Variants in ATRNL1 observed in about 807,000 individuals in gnomAD.
The protein encoded by ATRNL1 is attractin-like protein 1.
Under a neutral mutation model 182.7 loss-of-function variants are expected in ATRNL1, and 95 were observed. That is an observed-to-expected ratio of 0.52 (90% CI 0.44 to 0.62). ATRNL1 has a LOEUF of 0.62. ATRNL1 is among the 20% of genes least tolerant of loss of function. The pLI is 0.00. For synonymous variants in ATRNL1, 576 were observed against 568.3 expected, an observed-to-expected ratio of 1.01 and a Z score of -0.19; for missense variants, 1,471 against 1,679.5, an observed-to-expected ratio of 0.88 and a Z score of 2.17.
chr10:115,387,702 T>G (rs1554953069), intron 19 of ATRNL1, among the ~76,000 whole-genome samples: 1 of 152,226 alleles, frequency 6.6e-6, no homozygotes, highest in Non-Finnish European at 1.5e-5. Flanking sequence ...TAATCTTTTG[T>G]GTTTGGCTTT....
intron 26 of ATRNL1, among the ~76,000 whole-genome samples, chr10:115,590,986 G>A (rs1168002213): frequency 2.6e-5 from 4 of 152,166 alleles, no homozygotes; most frequent in African/African-American, 4.8e-5. Context: ...ATCTCACTTC[G>A]TTATATCTGA....
chr10:115,829,332 G>A (rs1384949134), intron 27 of ATRNL1, among the ~76,000 whole-genome samples: 1 of 152,058 alleles, frequency 6.6e-6, no homozygotes, highest in Non-Finnish European at 1.5e-5. Context: ...GCCATGACTG[G>A]GTTGGAGTTT....
intron 28 of ATRNL1, among the ~76,000 whole-genome samples, chr10:115,880,773 T>G (rs1951809161): frequency 6.6e-6 from 1 of 152,252 alleles, no homozygotes; most frequent in Admixed American, 6.5e-5. Context: ...CTTTTGTGCA[T>G]GTACGAGTAG....
At chr10:115,609,061 ATAAGT>A (rs1433736203) in intron 26 of ATRNL1, among the ~76,000 whole-genome samples, 1 of 152,086 alleles carries the variant, frequency 6.6e-6, no homozygotes, top group Non-Finnish European at 1.5e-5. Flanking sequence ...ATAAAATATT[ATAAGT>A]TAAGTTGAAA....
chr10:115,311,331 A>G (rs1854014883), intron 17 of ATRNL1, among the ~76,000 whole-genome samples: 1 of 151,962 alleles, frequency 6.6e-6, no homozygotes. Flanking sequence ...CTGGGATTAC[A>G]GGCACATGCC....
At chr10:115,777,704 G>A (rs1385717853) in intron 27 of ATRNL1, among the ~76,000 whole-genome samples, 1 of 152,144 alleles carries the variant, frequency 6.6e-6, no homozygotes, top group African/African-American at 2.4e-5. Context: ...TAGATGCTGT[G>A]GGACAGAAAA....
At chr10:115,271,044 T>A (rs1300528100) in intron 13 of ATRNL1, among the ~76,000 whole-genome samples, 2 of 152,112 alleles carry the variant, frequency 1.3e-5, no homozygotes, top group African/African-American at 4.8e-5. Context: ...TGATATTTAC[T>A]CCTCTCCTTG....
chr10:115,093,650 G>C lies in ATRNL1; in HGVS notation c.-101G>C, dbSNP rs1250656237. 2.3e-6 allele frequency: 3 copies of C among 1,303,290 alleles called. No homozygotes were observed. The highest frequency in any genetic ancestry group is 3.2e-6 in the Non-Finnish European group (3 of 949,258). The allele number at this position is 1,303,290 out of a possible 1,614,324, so 80.7% of individuals were successfully genotyped here. On this transcript the variant is annotated 5_prime_UTR_variant, in exon 1 of 29. Coordinates refer to ENST00000355044, the MANE Select transcript of ATRNL1 (RefSeq NM_207303.4). The surrounding 1 kb of genome is among the most constrained non-coding windows in gnomAD (Gnocchi z 6.1). ...GGACGGGCGCCGGTGAGGAGGAGGA[G>C]AAGCGGCGGCGGAGAGGTTTTCTGC...
intron 25 of ATRNL1, among the ~76,000 whole-genome samples, chr10:115,540,465 A>G (rs1456658554): frequency 6.6e-6 from 1 of 152,126 alleles, no homozygotes; most frequent in Non-Finnish European, 1.5e-5. Context: ...GAGATGGATT[A>G]AAGGGTACAG....
At chr10:115,536,556 G>A (rs1347535423) in intron 25 of ATRNL1, among the ~76,000 whole-genome samples, 1 of 152,214 alleles carries the variant, frequency 6.6e-6, no homozygotes, top group African/African-American at 2.4e-5. Flanking sequence ...CTGACGCCTT[G>A]TGCTTCCCAA....
At chr10:115,387,471 A>G (rs541828312) in intron 19 of ATRNL1, among the ~76,000 whole-genome samples, 2 of 152,348 alleles carry the variant, frequency 1.3e-5, no homozygotes, top group South Asian at 2.1e-4. Context: ...GGTACAATTC[A>G]GGTAACACAA....
At chr10:115,917,490 A>AC (rs1952904975) in intron 28 of ATRNL1, among the ~76,000 whole-genome samples, 1 of 148,382 alleles carries the variant, frequency 6.7e-6, no homozygotes, top group East Asian at 2.0e-4. Context: ...AAAAAAGAAA[A>AC]AAAAAACGGG....
chr10:115,148,273 GA>G (rs1174767987), intron 5 of ATRNL1, among the ~76,000 whole-genome samples: 1 of 152,080 alleles, frequency 6.6e-6, no homozygotes, highest in African/African-American at 2.4e-5. Context: ...AAATGCTGCA[GA>G]TTTTTGTATA....
intron 19 of ATRNL1, among the ~76,000 whole-genome samples, chr10:115,362,935 G>A (rs535006840): frequency 2.6e-5 from 4 of 151,852 alleles, no homozygotes; most frequent in African/African-American, 7.3e-5. Context: ...GGACATTTGG[G>A]TTGGTTCCAA....
intron 20 of ATRNL1, among the ~76,000 whole-genome samples, chr10:115,416,078 A>T (rs1285687194): frequency 1.3e-5 from 2 of 152,070 alleles, no homozygotes; most frequent in Admixed American, 1.3e-4. Flanking sequence ...TCTAGCTCCT[A>T]TAAAATCTCA....
In ATRNL1 at chr10:115,944,728, T is replaced by C. The variant is rs782414734; in HGVS notation, c.4089T>C (p.Ser1363=). The change falls in exon 29 of 29, where the codon TCT becomes TCC. Residue 1363 remains serine (S), a synonymous_variant. Transcript: ENST00000355044. ...QKASDSKDKT[S]GVRNRKHLST... ...CTTCAGATAGTAAAGATAAGACTTC[T>C]GGAGTCCGGAATCGAAAACACCTTT... 1.4e-5 allele frequency: 22 copies of C among 1,613,710 alleles called. No individual in the cohort carries two copies. The highest frequency in any genetic ancestry group is 1.8e-5 in the Non-Finnish European group (21 of 1,179,802).
intron 27 of ATRNL1, among the ~76,000 whole-genome samples, chr10:115,830,519 TGG>T (rs1950535742): frequency 6.6e-6 from 1 of 152,128 alleles, no homozygotes; most frequent in African/African-American, 2.4e-5. Flanking sequence ...ACCATCTGCT[TGG>T]CTGGGATGAG....
chr10:115,472,408 G>T (rs1244060856), intron 24 of ATRNL1, among the ~76,000 whole-genome samples: 1 of 150,798 alleles, frequency 6.6e-6, no homozygotes, highest in African/African-American at 2.4e-5. Context: ...GAAAGCAATT[G>T]TATTGACTCT....
chr10:115,457,990 A>C (rs551817364), intron 21 of ATRNL1, among the ~76,000 whole-genome samples: 1 of 152,278 alleles, frequency 6.6e-6, no homozygotes, highest in Admixed American at 6.5e-5. Context: ...TTTATCAATA[A>C]AGCAATAAAT....
Sources: allele counts gnomAD v4.1 joint callset (sites outside exome capture counted in the v4.1 genomes callset), GRCh38; gene constraint gnomAD v4.1.1; non-coding constraint Gnocchi (gnomAD v3.1); transcripts MANE v1.5; gene names NCBI Gene and HGNC (gene_info 2026-07-23, HGNC 2026-07-21).